Variants in ANXA3 observed in about 807,000 individuals in gnomAD.
The protein encoded by ANXA3 is 35-alpha calcimedin.
A neutral mutation model predicts 48.8 loss-of-function variants in ANXA3; 46 were observed. The ratio of observed to expected loss-of-function variants is 0.94; its 90% confidence interval spans 0.74 to 1.21. ANXA3 has a LOEUF of 1.21. Among genes scored for constraint, ANXA3 ranks in the 50% most tolerant of loss-of-function variants. ANXA3 has a pLI of 0.00. For missense variants in ANXA3, 383 were observed against 378.6 expected (o/e 1.01, Z -0.10); for synonymous variants, 128 against 134.7 (o/e 0.95, Z 0.35).
chr4:78,608,736 G>A (rs74761832), intron 12 of ANXA3, among the ~76,000 whole-genome samples: 3,185 of 152,074 alleles, frequency 0.021, 100 homozygotes, highest in African/African-American at 0.072. Flanking sequence ...TTGTTTGTTT[G>A]TTTCCTTTTC....
At chr4:78,569,044 C>T (rs970866327) in intron 2 of ANXA3, among the ~76,000 whole-genome samples, 1 of 152,188 alleles carries the variant, frequency 6.6e-6, no homozygotes, top group Non-Finnish European at 1.5e-5. Flanking sequence ...GCAGGAAACG[C>T]GCTTAGCACA....
chr4:78,597,491 C>A, intron 10 of ANXA3, 77 bp downstream of exon 10: 1 of 969,040 alleles, frequency 1.0e-6, no homozygotes, highest in Non-Finnish European at 1.6e-6. Context: ...TCCTTTTGGG[C>A]AAGAATCCTG....
chr4:78,586,619 C>A (rs1246203266), intron 6 of ANXA3, among the ~76,000 whole-genome samples: 2 of 152,192 alleles, frequency 1.3e-5, no homozygotes, highest in African/African-American at 4.8e-5. Context: ...GGCAATCTCT[C>A]ATTAATTGAA....
intron 5 of ANXA3, 26 bp from the exon 6 acceptor site, chr4:78,586,234 A>G (rs778373420): frequency 6.3e-7 from 1 of 1,593,906 alleles, no homozygotes; most frequent in South Asian, 1.1e-5. Flanking sequence ...AGTGTTCTAA[A>G]AATTAGATTT....
At chr4:78,608,855 T>C (rs983726071) in intron 12 of ANXA3, among the ~76,000 whole-genome samples, 1 of 152,178 alleles carries the variant, frequency 6.6e-6, no homozygotes, top group African/African-American at 2.4e-5. Flanking sequence ...TCATTAGCGG[T>C]GTAAATATAC....
At chr4:78,577,152 A>G (rs1194136709) in intron 3 of ANXA3, among the ~76,000 whole-genome samples, 2 of 152,188 alleles carry the variant, frequency 1.3e-5, no homozygotes, top group Non-Finnish European at 2.9e-5. Context: ...GTTTACAGGA[A>G]TAATTATATG....
intron 6 of ANXA3, among the ~76,000 whole-genome samples, chr4:78,588,349 T>C (rs555215457): frequency 1.3e-5 from 2 of 152,206 alleles, no homozygotes; most frequent in Non-Finnish European, 2.9e-5. Flanking sequence ...GCCTTGATCA[T>C]GCCACTGCAC....
intron 3 of ANXA3, 101 bp from the exon 4 acceptor site, chr4:78,578,926 C>A (rs1578396715): frequency 2.0e-6 from 1 of 501,142 alleles, no homozygotes; most frequent in Non-Finnish European, 3.7e-6. Context: ...AATTAAAATG[C>A]CTTACTCTCT....
At chr4:78,593,263 T>C (rs868079) in intron 7 of ANXA3, among the ~76,000 whole-genome samples, 90,825 of 151,778 alleles carry the variant, frequency 0.6, 27,655 homozygotes, top group Middle Eastern at 0.73. Context: ...AGTGCTGTGG[T>C]GCGATCTCGG....
At chr4:78,580,639 T>C (rs1231256449) in intron 4 of ANXA3, among the ~76,000 whole-genome samples, 1 of 152,178 alleles carries the variant, frequency 6.6e-6, no homozygotes, top group Admixed American at 6.5e-5. Flanking sequence ...CTAGTGACCA[T>C]CCACAGGCAC....
At chr4:78,581,997 T>G (rs1230249793) in intron 4 of ANXA3, among the ~76,000 whole-genome samples, 180 bp from the exon 5 acceptor site, 1 of 152,224 alleles carries the variant, frequency 6.6e-6, no homozygotes, top group Non-Finnish European at 1.5e-5. Context: ...CAGAACAATT[T>G]GGGAGTAATT....
At chr4:78,584,090 C>T (rs909967671) in intron 5 of ANXA3, among the ~76,000 whole-genome samples, 1 of 152,162 alleles carries the variant, frequency 6.6e-6, no homozygotes, top group African/African-American at 2.4e-5. Flanking sequence ...ATGTTTCTTC[C>T]ATCTGGAATG....
At chr4:78,588,822 A>T in intron 6 of ANXA3, among the ~76,000 whole-genome samples, 1 of 152,186 alleles carries the variant, frequency 6.6e-6, no homozygotes, top group East Asian at 1.9e-4. Context: ...GGAACCTAAT[A>T]GGGAGCGGGT....
intron 2 of ANXA3, among the ~76,000 whole-genome samples, chr4:78,563,320 G>A (rs747476512): frequency 1.3e-5 from 2 of 152,158 alleles, no homozygotes; most frequent in Non-Finnish European, 2.9e-5. Context: ...ATAGGAGTGA[G>A]GTGGATAGAG....
chr4:78,572,943 G>A (rs1722868684), intron 2 of ANXA3: 3 of 604,922 alleles, frequency 5.0e-6, no homozygotes, highest in Non-Finnish European at 6.2e-6. Context: ...CCCACACCCA[G>A]GAATGAGCAA....
rs548309089 is a variant in ANXA3, at chr4:78,591,422, A to G, written c.404-122A>G. ...GAAAAGCATGAAGAAATTAAATAAA[A>G]GGGCAAGATTTATCTTATCACATAC... On this transcript the variant is annotated intron_variant, in intron 6 of 12. Coordinates refer to ENST00000264908, the MANE Select transcript of ANXA3 (RefSeq NM_005139.3). 170 of 656,034 alleles carry G rather than the reference A, an allele frequency of 2.6e-4. 2 individuals are homozygous for G. The South Asian group carries it at 3.4e-3, about 13-fold the overall frequency. The allele number at this position is 656,034 out of a possible 1,614,324, so 40.6% of individuals were successfully genotyped here.
chr4:78,598,714 A>G (rs1723477617), intron 10 of ANXA3, among the ~76,000 whole-genome samples: 1 of 151,902 alleles, frequency 6.6e-6, no homozygotes, highest in Non-Finnish European at 1.5e-5. Flanking sequence ...TAACGTTTGT[A>G]TTTTTAGTAG....
At chr4:78,594,203 T>C (rs1433529385) in intron 7 of ANXA3, among the ~76,000 whole-genome samples, 1 of 152,232 alleles carries the variant, frequency 6.6e-6, no homozygotes, top group Non-Finnish European at 1.5e-5. Context: ...CCTTTAAGGT[T>C]CCTCTATGTC....
chr4:78,564,868 A>G (rs1722697231), intron 2 of ANXA3, among the ~76,000 whole-genome samples: 1 of 152,092 alleles, frequency 6.6e-6, no homozygotes, highest in Admixed American at 6.6e-5. Context: ...TCATCTGGAG[A>G]GAGTGGCTCC....
Sources: gnomAD v4.1 joint callset for allele counts (sites outside exome capture counted in the v4.1 genomes callset) on GRCh38, gnomAD v4.1.1 for gene constraint, MANE v1.5 for transcripts, NCBI Gene and HGNC (gene_info 2026-07-23, HGNC 2026-07-21) for gene names.